The following PPP4R4 variants were observed in gnomAD, a reference collection of about 807,000 sequenced individuals.
PPP4R4 encodes protein phosphatase 4 regulatory subunit 4.
PPP4R4 carries 70 observed loss-of-function variants against 121.8 expected under a neutral mutation model. The observed-to-expected ratio is 0.57, with a 90% CI of 0.47 to 0.70. The LOEUF is 0.70. PPP4R4 is among the 30% of genes least tolerant of loss of function. PPP4R4 has a pLI of 0.00. For missense variants in PPP4R4, 875 were observed against 1,033.6 expected (o/e 0.85, Z 2.10); for synonymous variants, 348 against 355.7 (o/e 0.98, Z 0.24).
At chr14:94,234,262 T>C (rs911928713) in intron 6 of PPP4R4, among the ~76,000 whole-genome samples, 3 of 152,194 alleles carry the variant, frequency 2.0e-5, no homozygotes, top group Non-Finnish European at 2.9e-5. Context: ...AGTATTTTGG[T>C]TGATGGTTGC....
chr14:94,222,400 C>T (rs1300438357), intron 3 of PPP4R4, among the ~76,000 whole-genome samples: 2 of 151,692 alleles, frequency 1.3e-5, no homozygotes, highest in African/African-American at 2.4e-5. Context: ...TTACCCTTTT[C>T]CTAGATAATA....
At chr14:94,230,463 T>C (rs907528513) in intron 3 of PPP4R4, 124 bp from the exon 4 acceptor site, 1 of 837,420 alleles carries the variant, frequency 1.2e-6, no homozygotes. Flanking sequence ...GTACATATCC[T>C]TAAAGGTCAT....
At chr14:94,242,452 C>A (rs1271664049) in intron 11 of PPP4R4, 44 bp downstream of exon 11, 1 of 1,551,264 alleles carries the variant, frequency 6.4e-7, no homozygotes, top group Middle Eastern at 1.7e-4. Context: ...GTTGTTAATT[C>A]TACCTATGTA....
chr14:94,230,832 G>C, intron 4 of PPP4R4, 98 bp downstream of exon 4: 2 of 1,340,210 alleles, frequency 1.5e-6, no homozygotes, highest in Non-Finnish European at 1.0e-6. Flanking sequence ...GAGGATAACT[G>C]AGTAAGGCCA....
Position 94,174,430 on chromosome 14 carries a change from C to T in PPP4R4, c.-36C>T. The T allele has an allele frequency of 1.3e-6, 2 of 1,508,566 alleles. No individual in the cohort carries two copies. The highest frequency in any genetic ancestry group is 2.2e-5 in the Admixed American group (1 of 45,466). The allele number at this position is 1,508,566 out of a possible 1,614,324, so 93.4% of individuals were successfully genotyped here. A position where few individuals can be genotyped will look rare whatever the true frequency, so the allele number is the denominator to read the frequency against. On this transcript the variant is annotated 5_prime_UTR_variant, in exon 1 of 25. Coordinates refer to ENST00000304338, the MANE Select transcript of PPP4R4 (RefSeq NM_058237.2). ...CTGAGGGCGTCCGGCATCCCGGGGCCGCTCCGGCCCGGGCGGCGAGAGTGC... is the reference window on the plus strand; with the variant it reads ...CTGAGGGCGTCCGGCATCCCGGGGCTGCTCCGGCCCGGGCGGCGAGAGTGC...
chr14:94,278,866 T>C lies in PPP4R4; in HGVS notation c.*223T>C. The C allele has an allele frequency of 3.1e-6, 1 of 319,268 alleles. No individual in the cohort carries two copies. Among genetic ancestry groups the C allele is most frequent in the Non-Finnish European group, 5.6e-6 (1 of 177,658 alleles). 19.8% of individuals were successfully genotyped at this position (319,268 alleles called of 1,614,324 possible). A position where few individuals can be genotyped will look rare whatever the true frequency, so the allele number is the denominator to read the frequency against. ...ATAATATATATTTCTTGAGTAATAA[T>C]GTGGTTACGGAATTCCAATGTTATA... On this transcript the variant is annotated 3_prime_UTR_variant, in exon 25 of 25. Transcript: ENST00000304338.
At chr14:94,268,850 C>T (rs1894174944) in intron 23 of PPP4R4, among the ~76,000 whole-genome samples, 2 of 152,138 alleles carry the variant, frequency 1.3e-5, no homozygotes, top group African/African-American at 2.4e-5. Context: ...TCCCACAACA[C>T]ATGGGGGTTA....
At chr14:94,264,815 C>A in intron 19 of PPP4R4, 63 bp from the exon 20 acceptor site, 2 of 1,268,592 alleles carry the variant, frequency 1.6e-6, no homozygotes, top group South Asian at 1.3e-5. Context: ...CTTAATTTCT[C>A]AGAACAATTT....
At chr14:94,203,140 C>T (rs1012703328) in intron 2 of PPP4R4, among the ~76,000 whole-genome samples, 23 of 152,166 alleles carry the variant, frequency 1.5e-4, no homozygotes, top group African/African-American at 5.6e-4. Flanking sequence ...CATAAGATTT[C>T]CATCACCATG....
At chr14:94,228,740 C>T (rs1202623548) in intron 3 of PPP4R4, among the ~76,000 whole-genome samples, 7 of 152,096 alleles carry the variant, frequency 4.6e-5, no homozygotes, top group Admixed American at 1.3e-4. Context: ...TTTAGTCACC[C>T]GGCAGCTGCT....
chr14:94,239,842 G>A (rs1203717350), intron 8 of PPP4R4, among the ~76,000 whole-genome samples: 2 of 152,108 alleles, frequency 1.3e-5, no homozygotes, highest in Non-Finnish European at 2.9e-5. Flanking sequence ...CTCAAAATCA[G>A]AGACCATTTA....
chr14:94,192,372 C>T (rs773065446), intron 2 of PPP4R4, among the ~76,000 whole-genome samples: 4 of 152,082 alleles, frequency 2.6e-5, no homozygotes, highest in Admixed American at 6.6e-5. Flanking sequence ...CTTTGCCTTA[C>T]AAGAAGGTTT....
intron 20 of PPP4R4, 59 bp downstream of exon 20, chr14:94,265,006 A>G (rs1893966100): frequency 8.0e-7 from 1 of 1,245,038 alleles, no homozygotes; most frequent in Non-Finnish European, 1.1e-6. Flanking sequence ...GCATCCTGGT[A>G]TTCTGAAAGA....
chr14:94,236,211 A>T (rs1892341705), intron 7 of PPP4R4, among the ~76,000 whole-genome samples: 1 of 152,186 alleles, frequency 6.6e-6, no homozygotes, highest in Admixed American at 6.5e-5. Flanking sequence ...ATGCCCAGAG[A>T]TAATTAAGTT....
At chr14:94,244,583 C>T (rs920157859) in intron 11 of PPP4R4, 52 bp from the exon 12 acceptor site, 135 of 1,327,816 alleles carry the variant, frequency 1.0e-4, no homozygotes, top group Non-Finnish European at 1.2e-4. Context: ...TTATTGTAAC[C>T]TGTATCTGTC....
At chr14:94,243,582 A>G (rs1481743302) in intron 11 of PPP4R4, among the ~76,000 whole-genome samples, 4 of 152,192 alleles carry the variant, frequency 2.6e-5, no homozygotes, top group Non-Finnish European at 5.9e-5. Context: ...TATAGTAGAC[A>G]TAACATAGCA....
chr14:94,244,521 C>T (rs1477761849), intron 11 of PPP4R4, 114 bp from the exon 12 acceptor site: 18 of 860,604 alleles, frequency 2.1e-5, no homozygotes, highest in Non-Finnish European at 2.9e-5. Context: ...TGTGTTATAA[C>T]ATGGCTTTAT....
chr14:94,181,481 A>G (rs1401746547), intron 2 of PPP4R4, among the ~76,000 whole-genome samples: 2 of 152,250 alleles, frequency 1.3e-5, no homozygotes, highest in Non-Finnish European at 2.9e-5. Flanking sequence ...TCAAATTTTA[A>G]TGTAAACTAT....
At chr14:94,241,696 G>T in intron 9 of PPP4R4, 92 bp from the exon 10 acceptor site, 1 of 925,802 alleles carries the variant, frequency 1.1e-6, no homozygotes, top group South Asian at 1.9e-5. Flanking sequence ...TAAGTATTTG[G>T]CTCCAATTAT....
Sources: allele counts gnomAD v4.1 joint callset (sites outside exome capture counted in the v4.1 genomes callset), GRCh38; gene constraint gnomAD v4.1.1; transcripts MANE v1.5; gene names NCBI Gene and HGNC (gene_info 2026-07-23, HGNC 2026-07-21).